CCDC88C: variants seen among roughly 807,000 people sequenced by gnomAD.
CCDC88C encodes coiled-coil and HOOK domain protein 88C, also known as protein Daple.
Under a neutral mutation model 198.8 loss-of-function variants are expected in CCDC88C, and 131 were observed. That is an observed-to-expected ratio of 0.66 (90% CI 0.57 to 0.76). The LOEUF is 0.76. Among genes scored for constraint, CCDC88C ranks in the 30% least tolerant of loss-of-function variants. The pLI is 0.00. For missense variants in CCDC88C, 2,553 were observed against 2,631.6 expected, an observed-to-expected ratio of 0.97 and a Z score of 0.65; for synonymous variants, 1,166 against 1,114.7, an observed-to-expected ratio of 1.05 and a Z score of -0.92.
rs1236560494 is a variant in CCDC88C, at chr14:91,338,980, TC to T, written c.809+297del. 2.7e-5 allele frequency: 14 copies of T among 524,776 alleles called. No homozygotes were observed. The highest frequency in any genetic ancestry group is 3.8e-5 in the Non-Finnish European group (11 of 287,764). The allele number at this position is 524,776 out of a possible 1,614,324, so 32.5% of individuals were successfully genotyped here. On this transcript the variant is annotated intron_variant, in intron 8 of 29. Coordinates refer to ENST00000389857, the MANE Select transcript of CCDC88C (RefSeq NM_001080414.4). This position sits in a 1 kb window ranked among gnomAD's most constrained non-coding sequence, Gnocchi z 4.8. ...CAAGAAAACACATCAGGTGTGGTCG[TC>T]CCGGCCCCAAGCTGGAGCTGAGCGT...
chr14:91,405,751 T>C (rs1444230449), intron 3 of CCDC88C, among the ~76,000 whole-genome samples: 2 of 152,140 alleles, frequency 1.3e-5, no homozygotes, highest in Admixed American at 6.5e-5. Context: ...GTATGACCTA[T>C]ATAACAAAAA....
At chr14:91,388,030 T>C (rs1480027560) in intron 3 of CCDC88C, among the ~76,000 whole-genome samples, 1 of 152,172 alleles carries the variant, frequency 6.6e-6, no homozygotes, top group African/African-American at 2.4e-5. Context: ...TGGTTCTGCC[T>C]TGCGGCTGGG....
At position 91,303,822 on chromosome 14, in the gene CCDC88C, C is replaced by T. The variant is rs754934682; in HGVS notation, c.3514G>A (p.Glu1172Lys). 8.1e-6 allele frequency: 13 copies of T among 1,613,206 alleles called. No individual in the cohort carries two copies. In the East Asian group the frequency reaches 2.2e-4, roughly 28 times the overall value. ...AAYEALLQDHEHLGTLHERQS... is the reference protein window; with the variant it reads ...AAYEALLQDHKHLGTLHERQS... ...CGCTCGTGCAGCGTGCCCAGGTGCT[C>T]GTGGTCCTGCAGCAGGGCCTCGTAG... is the stretch of plus-strand genomic sequence containing the variant. Residue 1172 changes from glutamate (E) to lysine (K), a missense_variant, in exon 20 of 30, where the codon GAG becomes AAG. Physicochemically the swap from Glu to Lys is moderately conservative, Grantham distance 56. Transcript: ENST00000389857.
At chr14:91,408,336 C>T in intron 3 of CCDC88C, 1 of 288,938 alleles carries the variant, frequency 3.5e-6, no homozygotes, top group East Asian at 8.4e-5. Flanking sequence ...GGGTCACCTT[C>T]AGGAAGCCCA....
At chr14:91,306,051 G>A (rs1266536469) in intron 18 of CCDC88C, 125 bp from the exon 19 acceptor site, 1 of 858,490 alleles carries the variant, frequency 1.2e-6, no homozygotes, top group Non-Finnish European at 1.8e-6. Flanking sequence ...AGGGTCCGCT[G>A]GATGAGGTCA....
chr14:91,362,413 T>C (rs1421353556), intron 3 of CCDC88C, among the ~76,000 whole-genome samples: 2 of 149,606 alleles, frequency 1.3e-5, no homozygotes, highest in Non-Finnish European at 3.0e-5. Flanking sequence ...AGATGCAATA[T>C]GTGAAATCAT....
intron 1 of CCDC88C, 55 bp downstream of exon 1, chr14:91,417,576 G>T (rs960226562): frequency 4.6e-6 from 7 of 1,515,756 alleles, no homozygotes; most frequent in Non-Finnish European, 6.3e-6. Context: ...TCCCGTCGCC[G>T]GGCTAGAGAG....
intron 4 of CCDC88C, among the ~76,000 whole-genome samples, chr14:91,356,532 T>C (rs1353304229): frequency 1.3e-5 from 2 of 152,160 alleles, no homozygotes; most frequent in African/African-American, 4.8e-5. Context: ...CCAGGGACAT[T>C]CAATTCACCT....
chr14:91,324,941 A>AGGCAAGAAGT lies in CCDC88C; in HGVS notation c.1198-28_1198-19dup. The AGGCAAGAAGT allele has an allele frequency of 6.2e-7, 1 of 1,613,094 alleles. No individual in the cohort carries two copies. Among genetic ancestry groups the AGGCAAGAAGT allele is most frequent in the South Asian group, 1.1e-5 (1 of 91,084 alleles). On this transcript the variant is annotated intron_variant, in intron 11 of 29. Transcript: ENST00000389857. ...TCCCGGTCCTGGGGCAAGCAAGAAG[A>AGGCAAGAAGT]GGCAAGAAGTGAGGCTGCACAGCTG...
intron 10 of CCDC88C, among the ~76,000 whole-genome samples, chr14:91,332,227 A>G (rs1398886611): frequency 6.6e-6 from 1 of 152,158 alleles, no homozygotes; most frequent in Non-Finnish European, 1.5e-5. Context: ...AGAACCTTCC[A>G]GTTCTCTGCC....
At chr14:91,334,013 TCGTAAAA>T (rs1892945883) in intron 10 of CCDC88C, among the ~76,000 whole-genome samples, 1 of 152,252 alleles carries the variant, frequency 6.6e-6, no homozygotes, top group African/African-American at 2.4e-5. Flanking sequence ...TAACATTTTA[TCGTAAAA>T]AATATAAAAT....
chr14:91,370,758 T>C (rs1277551568), intron 3 of CCDC88C, among the ~76,000 whole-genome samples: 1 of 152,076 alleles, frequency 6.6e-6, no homozygotes, highest in Non-Finnish European at 1.5e-5. Context: ...GGTGGACACA[T>C]CCGTGCATAC....
chr14:91,372,394 G>C (rs372325497), intron 3 of CCDC88C, among the ~76,000 whole-genome samples: 1 of 151,916 alleles, frequency 6.6e-6, no homozygotes. Context: ...ACAGAGGGAT[G>C]GCAGGCACCT....
intron 6 of CCDC88C, 71 bp from the exon 7 acceptor site, chr14:91,340,095 A>T: frequency 6.4e-7 from 1 of 1,560,518 alleles, no homozygotes; most frequent in African/African-American, 1.4e-5. Flanking sequence ...CACTGCAAAC[A>T]GCATCCCCTT....
chr14:91,282,533 A>G (rs893512241), intron 26 of CCDC88C, among the ~76,000 whole-genome samples: 3 of 151,838 alleles, frequency 2.0e-5, no homozygotes, highest in Non-Finnish European at 4.4e-5. Flanking sequence ...CTTGGGTGCA[A>G]TCATTTCTCT....
chr14:91,331,427 TCCAGGCCCCATGGGCAAGGCAGA>T (rs1892821158), intron 10 of CCDC88C, among the ~76,000 whole-genome samples: 1 of 152,158 alleles, frequency 6.6e-6, no homozygotes, highest in Admixed American at 6.5e-5. Context: ...GGGCCCTGTC[TCCAGGCCCCATGGGCAAGGCAGA>T]CCAGGCCACA....
chr14:91,303,616 C>T, intron 20 of CCDC88C, 85 bp downstream of exon 20: 2 of 1,338,980 alleles, frequency 1.5e-6, no homozygotes, highest in Non-Finnish European at 2.0e-6. Flanking sequence ...CACCCATCTA[C>T]CCCAGGCCCC....
At chr14:91,410,224 G>A (rs538342572) in intron 2 of CCDC88C, among the ~76,000 whole-genome samples, 34 of 152,270 alleles carry the variant, frequency 2.2e-4, no homozygotes, top group African/African-American at 7.0e-4. Context: ...CAGACTGTGC[G>A]CTGCTTTTCA....
At chr14:91,359,477 G>A (rs1894200477) in intron 4 of CCDC88C, among the ~76,000 whole-genome samples, 165 bp downstream of exon 4, 1 of 152,228 alleles carries the variant, frequency 6.6e-6, no homozygotes, top group Admixed American at 6.5e-5. Context: ...GCCCTTGGCT[G>A]AATGCCTCAG....
Sources: gnomAD v4.1 joint callset for allele counts (sites outside exome capture counted in the v4.1 genomes callset) on GRCh38, gnomAD v4.1.1 for gene constraint, Gnocchi (gnomAD v3.1) non-coding constraint, MANE v1.5 for transcripts, NCBI Gene and HGNC (gene_info 2026-07-23, HGNC 2026-07-21) for gene names.